HK2: variants seen among roughly 807,000 people sequenced by gnomAD.
The protein encoded by HK2 is hexokinase-2.
Under a neutral mutation model 92.9 loss-of-function variants are expected in HK2, and 42 were observed. That is an observed-to-expected ratio of 0.45 (90% CI 0.35 to 0.58). HK2 has a LOEUF of 0.58. Among genes scored for constraint, HK2 ranks in the 20% least tolerant of loss-of-function variants. The pLI is 0.00. For missense variants in HK2, 978 were observed against 1,245.1 expected, an observed-to-expected ratio of 0.79 and a Z score of 3.23; for synonymous variants, 422 against 468.0, an observed-to-expected ratio of 0.90 and a Z score of 1.27.
At chr2:74,845,630 C>T (rs948490236) in intron 1 of HK2, among the ~76,000 whole-genome samples, 3 of 152,266 alleles carry the variant, frequency 2.0e-5, no homozygotes, top group African/African-American at 4.8e-5. Context: ...TGCGCTTACC[C>T]GCTGCCTCGG....
At chr2:74,882,973 T>C (rs1390643967) in intron 12 of HK2, among the ~76,000 whole-genome samples, 1 of 152,072 alleles carries the variant, frequency 6.6e-6, no homozygotes, top group African/African-American at 2.4e-5. Context: ...CCTCTTCAGG[T>C]TACCTTGGGT....
intron 1 of HK2, among the ~76,000 whole-genome samples, chr2:74,839,814 T>C (rs1478165364): frequency 6.9e-6 from 1 of 145,262 alleles, no homozygotes; most frequent in Non-Finnish European, 1.5e-5. Context: ...CGCACCACCA[T>C]GCCCAGCTAA....
intron 1 of HK2, among the ~76,000 whole-genome samples, chr2:74,847,606 C>T (rs1363756190): frequency 6.6e-6 from 1 of 152,108 alleles, no homozygotes; most frequent in Non-Finnish European, 1.5e-5. Flanking sequence ...GGATCATGAG[C>T]CCAGGAGTTT....
chr2:74,841,339 C>T (rs1172068291), intron 1 of HK2, among the ~76,000 whole-genome samples: 1 of 151,606 alleles, frequency 6.6e-6, no homozygotes, highest in Non-Finnish European at 1.5e-5. Context: ...ATCTAGTAAG[C>T]AGAGGCTAGG....
At chr2:74,877,914 GAT>G (rs1689273906) in intron 8 of HK2, among the ~76,000 whole-genome samples, 1 of 152,194 alleles carries the variant, frequency 6.6e-6, no homozygotes, top group South Asian at 2.1e-4. Context: ...TCCACTTGTA[GAT>G]TGAAGAAGTC....
At chr2:74,837,511 G>C (rs1688195350) in intron 1 of HK2, among the ~76,000 whole-genome samples, 1 of 152,046 alleles carries the variant, frequency 6.6e-6, no homozygotes, top group Non-Finnish European at 1.5e-5. Flanking sequence ...GCCTGCTAAG[G>C]GTGTCCCTAA....
chr2:74,867,952 C>A, intron 3 of HK2, 168 bp downstream of exon 3: 1 of 769,986 alleles, frequency 1.3e-6, no homozygotes, highest in Non-Finnish European at 2.3e-6. Context: ...TCAGGCTGTT[C>A]TGGTTGTATT....
chr2:74,853,010 T>G (rs1688605422), intron 1 of HK2, among the ~76,000 whole-genome samples: 1 of 152,120 alleles, frequency 6.6e-6, no homozygotes, highest in Non-Finnish European at 1.5e-5. Flanking sequence ...AAGCTCAAGT[T>G]CTTAGAATAA....
Position 74,891,068 on chromosome 2 carries a change from C to A in HK2, c.*127C>A. The A allele has an allele frequency of 8.9e-7, 1 of 1,125,714 alleles. No individual in the cohort carries two copies. 69.7% of individuals were successfully genotyped at this position (1,125,714 alleles called of 1,614,324 possible). A position where few individuals can be genotyped will look rare whatever the true frequency, so the allele number is the denominator to read the frequency against. On this transcript the variant is annotated 3_prime_UTR_variant, in exon 18 of 18. Coordinates refer to ENST00000290573, the MANE Select transcript of HK2 (RefSeq NM_000189.5). ...GCTTGGCAGAGAGGACCCCACTGGA[C>A]TGGGTTTTGTCTCTGCATCTCATTG...
At chr2:74,846,846 A>G (rs1298272400) in intron 1 of HK2, among the ~76,000 whole-genome samples, 2 of 152,208 alleles carry the variant, frequency 1.3e-5, no homozygotes, top group Admixed American at 1.3e-4. Flanking sequence ...GATTTAAAGC[A>G]GACGAAAGTA....
At chr2:74,882,470 A>G (rs994550732) in intron 12 of HK2, among the ~76,000 whole-genome samples, 4 of 151,358 alleles carry the variant, frequency 2.6e-5, no homozygotes, top group Admixed American at 6.6e-5. Context: ...ATGCTACTCA[A>G]TGTTAACAAC....
At position 74,892,193 on chromosome 2, in the gene HK2, C is replaced by T. The variant is rs1689698452; in HGVS notation, c.*1252C>T. On this transcript the variant is annotated 3_prime_UTR_variant, in exon 18 of 18. Coordinates refer to ENST00000290573, the MANE Select transcript of HK2 (RefSeq NM_000189.5). Reference sequence around the variant, plus strand: ...TAGAAATCTTTATTCTTAGGGCAGTCAGTAGTATTCTAAAGCTTTCTGACA... The same window carrying T: ...TAGAAATCTTTATTCTTAGGGCAGTTAGTAGTATTCTAAAGCTTTCTGACA... 6.6e-6 allele frequency: 1 copy of T among 152,316 alleles called. No homozygotes were observed. The highest frequency in any genetic ancestry group is 1.5e-5 in the Non-Finnish European group (1 of 68,048). The allele number at this position is 152,316 out of a possible 1,614,324, so 9.4% of individuals were successfully genotyped here.
chr2:74,868,866 C>T (rs181656030), intron 3 of HK2, among the ~76,000 whole-genome samples: 23 of 152,190 alleles, frequency 1.5e-4, no homozygotes, highest in Non-Finnish European at 3.2e-4. Context: ...AGAACAACAC[C>T]CTCCCTGTTG....
chr2:74,882,230 C>T lies in HK2; in HGVS notation c.1830C>T (p.Ser610=). Residue 610 remains serine, a synonymous_variant, in exon 12 of 18, where the codon AGC becomes AGT. Coordinates refer to ENST00000290573, the MANE Select transcript of HK2 (RefSeq NM_000189.5). ...FTFSFPCQQN[S]LDESILLKWT... ...TCTCCTTCCCCTGCCAGCAGAACAG[C>T]CTGGACGAGGTAACAGCACCTTCCT... 5.0e-6 allele frequency: 8 copies of T among 1,614,040 alleles called. No homozygotes were observed. The highest frequency in any genetic ancestry group is 6.8e-6 in the Non-Finnish European group (8 of 1,179,938).
rs556353572 is a variant in HK2, at chr2:74,838,684, G to A, written c.63+4041G>A. Reference sequence around the variant, plus strand: ...CTCCCGAGTAGCTGGGACTACAGGCGCCTGCCACCATGCCCGGGTATTTTT... The same window carrying A: ...CTCCCGAGTAGCTGGGACTACAGGCACCTGCCACCATGCCCGGGTATTTTT... On this transcript the variant is annotated intron_variant, in intron 1 of 17. Transcript: ENST00000290573. Among the ~76,000 whole-genome samples the A allele has an allele frequency of 1.4e-4, 21 of 152,044 alleles. 1 individual carries two copies. In the South Asian group the frequency reaches 4.0e-3, roughly 29 times the overall value.
rs1227338487 is a variant in HK2 at position 74,851,551 on chromosome 2, T to G, written c.64-2742T>G. The stretch of plus-strand genomic sequence containing the variant: ...CGTAGAATTTGCTTTTTTGTGTGCA[T>G]AACCTCATGCTTCTGGACATGATGA... On this transcript the variant is annotated intron_variant, in intron 1 of 17. Transcript: ENST00000290573. Among the ~76,000 whole-genome samples, 3 of 152,218 alleles carry G rather than the reference T, an allele frequency of 2.0e-5. No homozygotes were observed. The East Asian group carries it at 5.8e-4, about 29-fold the overall frequency.
In HK2 at chr2:74,889,401, G is replaced by A; in HGVS notation, c.2532G>A (p.Arg844=). The A allele has an allele frequency of 1.2e-6, 2 of 1,614,194 alleles. No individual in the cohort carries two copies. Among genetic ancestry groups the A allele is most frequent in the East Asian group, 4.5e-5 (2 of 44,886 alleles). ...CAGGCATGGCCGCTGTGGTGGACAG[G>A]ATACGAGAAAACCGTGGGCTGGACG... ...CGAGMAAVVD[R]IRENRGLDAL... is the part of the protein sequence containing the mutation. Residue 844 remains arginine, a synonymous_variant, in exon 17 of 18, where the codon AGG becomes AGA. Transcript: ENST00000290573.
chr2:74,853,319 C>G (rs1486937867), intron 1 of HK2, among the ~76,000 whole-genome samples: 1 of 152,016 alleles, frequency 6.6e-6, no homozygotes, highest in Admixed American at 6.6e-5. Context: ...GAGTTTGAGA[C>G]CAGCCTAGAC....
In HK2 at chr2:74,891,077, G is replaced by T; in HGVS notation, c.*136G>T. ...AGAGGACCCCACTGGACTGGGTTTT[G>T]TCTCTGCATCTCATTGTAGAGCTTG... On this transcript the variant is annotated 3_prime_UTR_variant, in exon 18 of 18. Transcript: ENST00000290573. 1 of 979,668 alleles carries T rather than the reference G, an allele frequency of 1.0e-6. No individual in the cohort carries two copies. Among genetic ancestry groups the T allele is most frequent in the Non-Finnish European group, 1.5e-6 (1 of 646,360 alleles). 60.7% of individuals were successfully genotyped at this position (979,668 alleles called of 1,614,324 possible). A position where few individuals can be genotyped will look rare whatever the true frequency, so the allele number is the denominator to read the frequency against.
Sources: allele counts gnomAD v4.1 joint callset (sites outside exome capture counted in the v4.1 genomes callset), GRCh38; gene constraint gnomAD v4.1.1; transcripts MANE v1.5; gene names NCBI Gene and HGNC (gene_info 2026-07-23, HGNC 2026-07-21).